Variants in ASH1L observed in about 807,000 individuals in gnomAD.
The protein encoded by ASH1L is ASH1 like histone lysine methyltransferase.
Under a neutral mutation model 269.0 loss-of-function variants are expected in ASH1L, and 23 were observed. The observed-to-expected ratio is 0.09, with a 90% CI of 0.06 to 0.12. The LOEUF (loss-of-function observed/expected upper bound fraction) is 0.12, where lower values mean the gene tolerates loss of function less well. Ranked by LOEUF, ASH1L falls within the 10% of genes least tolerant of loss-of-function variation. The probability of loss-of-function intolerance (pLI) is 1.00; values close to 1 mark genes in which losing one functional copy is unlikely to be tolerated. For synonymous variants in ASH1L, 1,187 were observed against 1,253.5 expected, an observed-to-expected ratio of 0.95 and a Z score of 1.12; for missense variants, 2,912 against 3,567.8, an observed-to-expected ratio of 0.82 and a Z score of 4.68.
chr1:155,484,944 C>A (rs11264377), intron 2 of ASH1L, among the ~76,000 whole-genome samples: 57,637 of 89,752 alleles, frequency 0.64, 18,445 homozygotes, highest in South Asian at 0.7. Context: ...AAAAAAAAAA[C>A]AAAAACAAAA....
intron 1 of ASH1L, among the ~76,000 whole-genome samples, chr1:155,537,978 T>C (rs1349165241): frequency 6.6e-6 from 1 of 152,134 alleles, no homozygotes; most frequent in Non-Finnish European, 1.5e-5. Flanking sequence ...GTCTTTTCTT[T>C]CTCTAAAATA....
intron 3 of ASH1L, among the ~76,000 whole-genome samples, chr1:155,463,974 G>C (rs1664494264): frequency 6.6e-6 from 1 of 152,164 alleles, no homozygotes; most frequent in Non-Finnish European, 1.5e-5. Flanking sequence ...AAGTTACTCT[G>C]AGTGAATCTT....
intron 16 of ASH1L, 23 bp downstream of exon 16, chr1:155,354,450 A>G (rs1654192913): frequency 6.2e-7 from 1 of 1,601,584 alleles, no homozygotes; most frequent in South Asian, 1.1e-5. Flanking sequence ...TCTCAAAAAA[A>G]AGAAATGTTT....
chr1:155,379,303 T>C (rs190596251), intron 8 of ASH1L, among the ~76,000 whole-genome samples: 1 of 152,274 alleles, frequency 6.6e-6, no homozygotes, highest in East Asian at 1.9e-4. Context: ...AACATATTAA[T>C]ACTCTCAGAA....
chr1:155,562,585 G>T lies in ASH1L; in HGVS notation c.-532C>A. 2.0e-6 allele frequency: 3 copies of T among 1,529,128 alleles called. No homozygotes were observed. Among genetic ancestry groups the T allele is most frequent in the Non-Finnish European group, 2.6e-6 (3 of 1,141,672 alleles). 94.7% of individuals were successfully genotyped at this position (1,529,128 alleles called of 1,614,324 possible). A position where few individuals can be genotyped will look rare whatever the true frequency, so the allele number is the denominator to read the frequency against. ...CCCCGCTCCGCCCGACTCCGTCCGC[G>T]TAGCGCGCACGCCCGCCCGCACGCG... On this transcript the variant is annotated 5_prime_UTR_variant, in exon 1 of 28. Transcript: ENST00000392403.
At chr1:155,406,004 G>A (rs1482361621) in intron 6 of ASH1L, among the ~76,000 whole-genome samples, 1 of 151,844 alleles carries the variant, frequency 6.6e-6, no homozygotes, top group African/African-American at 2.4e-5. Context: ...CGGAGTTCGA[G>A]ACCAGCCTGG....
chr1:155,341,929 G>A lies in ASH1L; in HGVS notation c.8460+7C>T. The A allele has an allele frequency of 6.2e-7, 1 of 1,613,860 alleles. No individual in the cohort carries two copies. The highest frequency in any genetic ancestry group is 1.3e-5 in the African/African-American group (1 of 75,038). On this transcript the variant is annotated splice_region_variant and intron_variant, in intron 25 of 27. Coordinates refer to ENST00000392403, the MANE Select transcript of ASH1L (RefSeq NM_018489.3). Reference sequence around the variant, plus strand: ...ACATGTAGTGTTAAGAAAGGAAGGAGACTCACCGAGAAATCTTTTTTGGGA... The same window carrying A: ...ACATGTAGTGTTAAGAAAGGAAGGAAACTCACCGAGAAATCTTTTTTGGGA...
At chr1:155,521,980 T>C (rs1214216502) in intron 1 of ASH1L, among the ~76,000 whole-genome samples, 3 of 152,204 alleles carry the variant, frequency 2.0e-5, no homozygotes, top group African/African-American at 7.2e-5. Flanking sequence ...CCCACTCTTC[T>C]GCTGAAGTAC....
chr1:155,454,884 T>TA (rs1663768630), intron 4 of ASH1L, among the ~76,000 whole-genome samples: 2 of 152,254 alleles, frequency 1.3e-5, no homozygotes, highest in African/African-American at 4.8e-5. Context: ...ATGTCTCTTA[T>TA]AGTCTTTTGG....
At chr1:155,443,628 A>G (rs924540620) in intron 4 of ASH1L, among the ~76,000 whole-genome samples, 2 of 152,184 alleles carry the variant, frequency 1.3e-5, no homozygotes, top group African/African-American at 4.8e-5. Context: ...AGAAGAAACA[A>G]CTGATCTGCT....
At position 155,438,988 on chromosome 1, in the gene ASH1L, G is replaced by C; in HGVS notation, c.5167C>G (p.Gln1723Glu). 6.2e-7 allele frequency: 1 copy of C among 1,614,132 alleles called. No individual in the cohort carries two copies. The highest frequency in any genetic ancestry group is 8.5e-7 in the Non-Finnish European group (1 of 1,180,024). The change falls in exon 5 of 28, where the codon CAA (glutamine) becomes GAA (glutamate). Residue 1723 changes from glutamine (Q) to glutamate (E), a missense_variant. Coordinates refer to ENST00000392403, the MANE Select transcript of ASH1L (RefSeq NM_018489.3). ...SVDSLLQRMV[Q>E]NEDQEPMEKS... ...TCCATGGGCTCTTGGTCCTCATTTT[G>C]TACCATCCGCTGCAGCAGACTATCC...
intron 1 of ASH1L, among the ~76,000 whole-genome samples, chr1:155,541,473 T>C (rs558122214): frequency 5.3e-5 from 8 of 152,222 alleles, no homozygotes; most frequent in African/African-American, 1.9e-4. Context: ...AAGTCACTAA[T>C]ATTATATAAG....
chr1:155,536,815 G>A (rs1215273857), intron 1 of ASH1L, among the ~76,000 whole-genome samples: 1 of 152,006 alleles, frequency 6.6e-6, no homozygotes, highest in Non-Finnish European at 1.5e-5. Flanking sequence ...GGCTGAAATG[G>A]GCAGATCACA....
At chr1:155,368,632 T>G (rs536420449) in intron 12 of ASH1L, among the ~76,000 whole-genome samples, 1 of 152,112 alleles carries the variant, frequency 6.6e-6, no homozygotes, top group East Asian at 1.9e-4. Flanking sequence ...AATTTTTGTA[T>G]TTTTGGTAGA....
At chr1:155,542,446 G>T (rs1250250237) in intron 1 of ASH1L, among the ~76,000 whole-genome samples, 1 of 151,864 alleles carries the variant, frequency 6.6e-6, no homozygotes, top group African/African-American at 2.4e-5. Flanking sequence ...CTACTTGGAA[G>T]GCTGAGGCAG....
At position 155,464,489 on chromosome 1, in the gene ASH1L, G is replaced by A. The variant is rs542822069; in HGVS notation, c.4985-4591C>T. 8.6e-5 allele frequency among the ~76,000 whole-genome samples: 13 copies of A among 151,872 alleles called. No individual in the cohort carries two copies. The South Asian group carries it at 1.5e-3, about 17-fold the overall frequency. On this transcript the variant is annotated intron_variant, in intron 3 of 27. Coordinates refer to ENST00000392403, the MANE Select transcript of ASH1L (RefSeq NM_018489.3). ...GTTTGGAAATTCTACACACATAAAT[G>A]CAGGAAGTAGAAATTATAGGCAAGC...
At chr1:155,393,655 C>A (rs566317733) in intron 7 of ASH1L, among the ~76,000 whole-genome samples, 2 of 151,536 alleles carry the variant, frequency 1.3e-5, no homozygotes, top group Non-Finnish European at 2.9e-5. Context: ...CCTGGGTTCA[C>A]GCCATTCTCC....
chr1:155,372,606 G>A (rs1220696897), intron 10 of ASH1L, among the ~76,000 whole-genome samples: 1 of 150,520 alleles, frequency 6.6e-6, no homozygotes, highest in African/African-American at 2.4e-5. Context: ...ATTGTGCCTG[G>A]CCTTTTTTTT....
At chr1:155,499,185 A>C (rs769962247) in intron 2 of ASH1L, among the ~76,000 whole-genome samples, 22 of 152,206 alleles carry the variant, frequency 1.4e-4, no homozygotes, top group Admixed American at 2.0e-4. Context: ...AAATTATGAT[A>C]AAATAATGGC....
Sources: gnomAD v4.1 joint callset for allele counts (sites outside exome capture counted in the v4.1 genomes callset) on GRCh38, gnomAD v4.1.1 for gene constraint, MANE v1.5 for transcripts, NCBI Gene and HGNC (gene_info 2026-07-23, HGNC 2026-07-21) for gene names.